Variants in IL1RAP observed in about 807,000 individuals in gnomAD.
IL1RAP encodes the protein interleukin-1 receptor accessory protein.
In IL1RAP, 35 loss-of-function variants were observed where a neutral mutation model predicts 60.7. The ratio of observed to expected loss-of-function variants is 0.58; its 90% CI spans 0.44 to 0.76. The LOEUF (loss-of-function observed/expected upper bound fraction) is 0.76. Among genes scored for constraint, IL1RAP ranks in the 30% least tolerant of loss-of-function variants. The pLI, the probability that IL1RAP is intolerant of heterozygous loss-of-function variation, is 0.00. For synonymous variants in IL1RAP, 268 were observed against 250.9 expected, an observed-to-expected ratio of 1.07 and a Z score of -0.64; for missense variants, 572 against 693.9, an observed-to-expected ratio of 0.82 and a Z score of 1.97.
intron 3 of IL1RAP, among the ~76,000 whole-genome samples, chr3:190,588,774 T>C (rs1275605188): frequency 6.6e-6 from 1 of 152,210 alleles, no homozygotes; most frequent in African/African-American, 2.4e-5. Context: ...GTTTTCTCTT[T>C]CCCAATAAAC....
Position 190,632,812 on chromosome 3 carries a change from A to G in IL1RAP, c.1051+3314A>G, listed in dbSNP as rs150473044. ...AATGTTTAGTGTTTTGTTTTTCCAC[A>G]TAGATAACCAGTTGTTCTCATATCA... On this transcript the variant is annotated intron_variant, in intron 9 of 11. Transcript: ENST00000447382. Among the ~76,000 whole-genome samples, 899 of 152,256 alleles carry G rather than the reference A, an allele frequency of 5.9e-3. 10 individuals are homozygous for G. The highest frequency in any genetic ancestry group is 0.021 in the African/African-American group (864 of 41,554).
chr3:190,615,443 T>G (rs973504521), intron 5 of IL1RAP: 1 of 437,196 alleles, frequency 2.3e-6, no homozygotes, highest in African/African-American at 2.1e-5. Context: ...TATTACTGTA[T>G]TAATTCTCTT....
At chr3:190,645,910 A>G in intron 11 of IL1RAP, 68 bp downstream of exon 11, 27 of 1,380,014 alleles carry the variant, frequency 2.0e-5, no homozygotes, top group Non-Finnish European at 2.7e-5. Flanking sequence ...GTTTTGCATT[A>G]TGGGAGAGAG....
At chr3:190,587,829 A>T (rs1306992569) in intron 3 of IL1RAP, among the ~76,000 whole-genome samples, 3 of 152,218 alleles carry the variant, frequency 2.0e-5, no homozygotes, top group Non-Finnish European at 4.4e-5. Flanking sequence ...CTGGAATCAG[A>T]AAAACTGCTG....
At chr3:190,611,918 G>C (rs1487244225) in intron 5 of IL1RAP, among the ~76,000 whole-genome samples, 2 of 152,086 alleles carry the variant, frequency 1.3e-5, no homozygotes, top group Non-Finnish European at 2.9e-5. Flanking sequence ...ACTTTAGTTG[G>C]ATCTTTTTCA....
intron 5 of IL1RAP, among the ~76,000 whole-genome samples, chr3:190,611,007 T>A (rs1243315964): frequency 6.6e-6 from 1 of 152,200 alleles, no homozygotes; most frequent in Admixed American, 6.5e-5. Context: ...TGAAAACTGG[T>A]AAAGGAGAAT....
chr3:190,601,021 C>G (rs932825670), intron 3 of IL1RAP, among the ~76,000 whole-genome samples: 1 of 152,132 alleles, frequency 6.6e-6, no homozygotes, highest in African/African-American at 2.4e-5. Context: ...GTCTTGCTCT[C>G]TCACCCAGGC....
chr3:190,580,706 C>A (rs145472173), intron 3 of IL1RAP, among the ~76,000 whole-genome samples: 9 of 152,118 alleles, frequency 5.9e-5, no homozygotes, highest in African/African-American at 2.2e-4. Flanking sequence ...AAGGTAAGTC[C>A]TAGAAATCTA....
At chr3:190,653,249 C>G (rs1352151068), downstream of IL1RAP, among the ~76,000 whole-genome samples, 1 of 152,152 alleles carries the variant, frequency 6.6e-6, no homozygotes, top group Non-Finnish European at 1.5e-5. Context: ...ATTGTGTTCA[C>G]TAGACGTTGA....
chr3:190,638,961 C>T (rs1004020400), intron 9 of IL1RAP, among the ~76,000 whole-genome samples: 8 of 152,016 alleles, frequency 5.3e-5, no homozygotes, highest in Admixed American at 2.6e-4. Context: ...AAAATGCAAA[C>T]GGGGCAGTTT....
intron 3 of IL1RAP, among the ~76,000 whole-genome samples, chr3:190,580,999 T>A (rs559669517): frequency 6.6e-6 from 1 of 152,284 alleles, no homozygotes; most frequent in African/African-American, 2.4e-5. Flanking sequence ...AAGTGGTTTT[T>A]AAAAAAGAAA....
intron 1 of IL1RAP, among the ~76,000 whole-genome samples, chr3:190,521,473 CTCAG>C (rs963368749): frequency 4.7e-5 from 7 of 148,492 alleles, no homozygotes; most frequent in African/African-American, 1.5e-4. Flanking sequence ...TTTTTTTTTC[CTCAG>C]TCAATCAGCC....
intron 1 of IL1RAP, chr3:190,518,127 TTGTTAGGAG>T (rs1243980549): frequency 6.6e-6 from 1 of 151,878 alleles, no homozygotes; most frequent in African/African-American, 2.4e-5. Context: ...ACTGATAGGG[TTGTTAGGAG>T]ACATCCCTTT....
chr3:190,546,949 C>T (rs1217812470), intron 1 of IL1RAP, among the ~76,000 whole-genome samples: 1 of 152,212 alleles, frequency 6.6e-6, no homozygotes, highest in Non-Finnish European at 1.5e-5. Context: ...AAATGCCCCC[C>T]TTGTCCTCTG....
intron 9 of IL1RAP, among the ~76,000 whole-genome samples, chr3:190,641,864 G>A (rs1733686157): frequency 6.6e-6 from 1 of 152,184 alleles, no homozygotes; most frequent in South Asian, 2.1e-4. Context: ...TTTCATGCCA[G>A]CTATCCAAAT....
intron 1 of IL1RAP, among the ~76,000 whole-genome samples, chr3:190,524,747 A>G (rs1722364856): frequency 6.6e-6 from 1 of 152,200 alleles, no homozygotes; most frequent in Non-Finnish European, 1.5e-5. Flanking sequence ...ATAAATAAGT[A>G]TATGGATAGA....
intron 3 of IL1RAP, among the ~76,000 whole-genome samples, chr3:190,567,544 A>C (rs1726524416): frequency 6.6e-6 from 1 of 152,162 alleles, no homozygotes; most frequent in African/African-American, 2.4e-5. Flanking sequence ...CATGCTTGTG[A>C]CTTCAACGAG....
chr3:190,601,177 G>A (rs754699362), intron 3 of IL1RAP, among the ~76,000 whole-genome samples: 40 of 152,090 alleles, frequency 2.6e-4, no homozygotes, highest in Non-Finnish European at 5.3e-4. Flanking sequence ...TAGAGATGGA[G>A]TTTCGCCATG....
At chr3:190,644,431 A>T (rs34590034) in intron 10 of IL1RAP, 34 bp downstream of exon 10, 368,821 of 1,488,354 alleles carry the variant, frequency 0.25, 49,575 homozygotes, top group African/African-American at 0.52. Context: ...AACCTCTTCT[A>T]CTGTCATCTT....
Sources: allele counts gnomAD v4.1 joint callset (sites outside exome capture counted in the v4.1 genomes callset), GRCh38; gene constraint gnomAD v4.1.1; transcripts MANE v1.5; gene names NCBI Gene and HGNC (gene_info 2026-07-23, HGNC 2026-07-21).